Variants in PLA2G4E observed in about 807,000 individuals in gnomAD.
PLA2G4E encodes cytosolic phospholipase A2 epsilon.
In PLA2G4E, 84 loss-of-function variants were observed where a neutral mutation model predicts 109.1. That is an observed-to-expected ratio of 0.77 (90% CI 0.65 to 0.92). The LOEUF is 0.92. Ranked by LOEUF, PLA2G4E falls within the 40% of genes least tolerant of loss-of-function variation. The pLI, the probability that PLA2G4E is intolerant of heterozygous loss-of-function variation, is 0.00. For missense variants in PLA2G4E, 1,057 were observed against 1,076.6 expected (o/e 0.98, Z 0.25); for synonymous variants, 469 against 436.1 (o/e 1.08, Z -0.94).
intron 1 of PLA2G4E, among the ~76,000 whole-genome samples, chr15:42,022,867 C>T (rs550578656): frequency 2.5e-3 from 373 of 152,220 alleles, no homozygotes; most frequent in Non-Finnish European, 4.1e-3. Context: ...GGCTAGGGAA[C>T]ACAGAAGATG....
At chr15:41,987,326 C>T in exon 17 of PLA2G4E, 1 of 1,613,926 alleles carries the variant, frequency 6.2e-7, no homozygotes, top group Admixed American at 1.7e-5. Flanking sequence ...CCGTGGTCTC[C>T]AGGATGTTAG....
intron 1 of PLA2G4E, among the ~76,000 whole-genome samples, chr15:42,016,105 T>C (rs1391588361): frequency 6.6e-6 from 1 of 152,144 alleles, no homozygotes; most frequent in East Asian, 1.9e-4. Flanking sequence ...GTTGCCAGAA[T>C]CACTTTATAC....
chr15:42,048,872 T>C (rs1037076734), intron 1 of PLA2G4E, among the ~76,000 whole-genome samples: 10 of 152,216 alleles, frequency 6.6e-5, no homozygotes, highest in Non-Finnish European at 1.0e-4. Context: ...ATTTCACAAA[T>C]ATTAAGCCAT....
At chr15:42,028,890 G>A (rs1308781953) in intron 1 of PLA2G4E, among the ~76,000 whole-genome samples, 2 of 152,102 alleles carry the variant, frequency 1.3e-5, no homozygotes, top group African/African-American at 2.4e-5. Flanking sequence ...ATGTTGAGAT[G>A]TCCCAGAACT....
intron 1 of PLA2G4E, among the ~76,000 whole-genome samples, chr15:42,030,071 G>A (rs567246613): frequency 9.5e-4 from 144 of 152,300 alleles, no homozygotes; most frequent in African/African-American, 2.9e-3. Flanking sequence ...AAGGATATGG[G>A]CCTGACAAAT....
intron 2 of PLA2G4E, among the ~76,000 whole-genome samples, chr15:42,013,435 G>A (rs2068557310): frequency 1.3e-5 from 2 of 152,218 alleles, no homozygotes; most frequent in Non-Finnish European, 2.9e-5. Flanking sequence ...CTGCGGGGCA[G>A]GTAGCGCCGA....
At chr15:42,041,773 T>G (rs1004312134) in intron 1 of PLA2G4E, among the ~76,000 whole-genome samples, 7 of 152,152 alleles carry the variant, frequency 4.6e-5, no homozygotes, top group African/African-American at 1.7e-4. Flanking sequence ...TGTGTGTGTG[T>G]GGAGGGACAG....
chr15:42,014,980 G>C (rs1039086606), intron 1 of PLA2G4E, among the ~76,000 whole-genome samples: 2 of 152,070 alleles, frequency 1.3e-5, no homozygotes, highest in Non-Finnish European at 2.9e-5. Flanking sequence ...TCCCAGCCCT[G>C]CTCACGCGGT....
chr15:42,046,727 G>A (rs1889422883), intron 1 of PLA2G4E, among the ~76,000 whole-genome samples: 2 of 152,178 alleles, frequency 1.3e-5, no homozygotes, highest in African/African-American at 2.4e-5. Context: ...TGCATAGTGG[G>A]AGCTCAGTAA....
chr15:41,983,863 A>G, exon 20 of PLA2G4E: 1 of 1,613,330 alleles, frequency 6.2e-7, no homozygotes, highest in Non-Finnish European at 8.5e-7. Context: ...GAGTTTCACC[A>G]GCTTGTCAAA....
chr15:42,001,882 G>A (rs1331550458), intron 6 of PLA2G4E, among the ~76,000 whole-genome samples: 1 of 152,078 alleles, frequency 6.6e-6, no homozygotes, highest in Non-Finnish European at 1.5e-5. Flanking sequence ...TTGTAGGGAT[G>A]GAGTTTCACT....
chr15:41,992,875 T>C (rs2068274688), exon 13 of PLA2G4E: 3 of 1,613,954 alleles, frequency 1.9e-6, no homozygotes, highest in African/African-American at 2.7e-5. Flanking sequence ...GCTTGTCCTT[T>C]ACCACATGTC....
chr15:42,000,606 C>T (rs74010961), intron 7 of PLA2G4E, among the ~76,000 whole-genome samples: 2,580 of 152,298 alleles, frequency 0.017, 76 homozygotes, highest in African/African-American at 0.059. Context: ...GAGGCAGACC[C>T]TCCGCACACT....
chr15:42,006,101 G>A (rs1208759955), exon 4 of PLA2G4E: 2 of 1,613,894 alleles, frequency 1.2e-6, no homozygotes, highest in Non-Finnish European at 1.7e-6. Context: ...CTTCATCACA[G>A]ACACTCAACT....
intron 12 of PLA2G4E, among the ~76,000 whole-genome samples, chr15:41,993,766 C>T (rs2068290205): frequency 6.6e-6 from 1 of 152,172 alleles, no homozygotes; most frequent in Non-Finnish European, 1.5e-5. Context: ...CCTCACAGGA[C>T]TTGCTTTTGG....
intron 1 of PLA2G4E, among the ~76,000 whole-genome samples, chr15:42,047,014 CAA>C (rs1164904078): frequency 1.3e-5 from 2 of 152,212 alleles, no homozygotes; most frequent in African/African-American, 4.8e-5. Context: ...GGGAATCCTT[CAA>C]GGACCAAAAT....
Position 42,044,784 on chromosome 15 carries a change from T to C in PLA2G4E, c.183+5737A>G, listed in dbSNP as rs564030637. Reference sequence around the variant, plus strand: ...ATGTACCCTAAAACTTAAAGTATAATAAAAAAAAAAGAAAGGAAGTGATGT... The same window carrying C: ...ATGTACCCTAAAACTTAAAGTATAACAAAAAAAAAAGAAAGGAAGTGATGT... On this transcript the variant is annotated intron_variant, in intron 1 of 19. Coordinates refer to ENST00000399518, the Ensembl canonical transcript of PLA2G4E. 5.9e-4 allele frequency among the ~76,000 whole-genome samples: 87 copies of C among 146,600 alleles called. 1 individual carries two copies. Among genetic ancestry groups the C allele is most frequent in the African/African-American group, 2.1e-3 (83 of 39,840 alleles).
chr15:42,035,533 A>C (rs1282848120), intron 1 of PLA2G4E, among the ~76,000 whole-genome samples: 1 of 152,236 alleles, frequency 6.6e-6, no homozygotes, highest in Non-Finnish European at 1.5e-5. Context: ...AGGGAAAGGC[A>C]GGCAGGATGG....
At chr15:42,003,289 C>A (rs1488228344) in intron 5 of PLA2G4E, among the ~76,000 whole-genome samples, 1 of 152,196 alleles carries the variant, frequency 6.6e-6, no homozygotes, top group Non-Finnish European at 1.5e-5. Context: ...GAAGGAGTCT[C>A]GCTCTGTCGC....
Sources: allele counts gnomAD v4.1 joint callset (sites outside exome capture counted in the v4.1 genomes callset), GRCh38; gene constraint gnomAD v4.1.1; transcripts MANE v1.5; gene names NCBI Gene and HGNC (gene_info 2026-07-23, HGNC 2026-07-21).